The following PRPF38A variants were observed in gnomAD, a reference collection of about 807,000 sequenced individuals.
PRPF38A encodes pre-mRNA-splicing factor 38A.
A neutral mutation model predicts 46.8 loss-of-function variants in PRPF38A; 11 were observed. The observed-to-expected ratio is 0.24, with a 90% CI of 0.15 to 0.39. The LOEUF (loss-of-function observed/expected upper bound fraction) is 0.39. Ranked by LOEUF, PRPF38A falls within the 10% of genes least tolerant of loss-of-function variation. PRPF38A has a pLI of 1.00. For synonymous variants in PRPF38A, 124 were observed against 136.2 expected, an observed-to-expected ratio of 0.91 and a Z score of 0.62; for missense variants, 261 against 407.5, an observed-to-expected ratio of 0.64 and a Z score of 3.10.
rs569078917 is a variant in PRPF38A, at chr1:52,418,609, G to T, written c.*1919G>T. 6.6e-6 allele frequency: 1 copy of T among 152,296 alleles called. No homozygotes were observed. The highest frequency in any genetic ancestry group is 2.1e-4 in the South Asian group (1 of 4,826). The allele number at this position is 152,296 out of a possible 1,614,324, so 9.4% of individuals were successfully genotyped here. A position where few individuals can be genotyped will look rare whatever the true frequency, so the allele number is the denominator to read the frequency against. On this transcript the variant is annotated 3_prime_UTR_variant, in exon 10 of 10. Coordinates refer to ENST00000257181, the MANE Select transcript of PRPF38A (RefSeq NM_032864.4). ...AGGTACCACAGCCAATCAATAGCAG[G>T]AAAGAGAATGTCCCTATTCTTTAAT... is the stretch of plus-strand genomic sequence containing the variant.
intron 9 of PRPF38A, 49 bp downstream of exon 9, chr1:52,415,435 A>G (rs772632969): frequency 6.7e-7 from 1 of 1,500,556 alleles, no homozygotes; most frequent in Non-Finnish European, 9.2e-7. Flanking sequence ...TCCAAATTAC[A>G]ACTAACTGGA....
chr1:52,416,577 G>A, intron 9 of PRPF38A, 71 bp from the exon 10 acceptor site: 1 of 1,225,066 alleles, frequency 8.2e-7, no homozygotes, highest in South Asian at 1.2e-5. Context: ...CCAAAGTGCT[G>A]GGATTACAGG....
Position 52,418,110 on chromosome 1 carries a change from C to T in PRPF38A, c.*1420C>T, listed in dbSNP as rs1648341892. On this transcript the variant is annotated 3_prime_UTR_variant, in exon 10 of 10. Transcript: ENST00000257181. ...AGGTTGTATCTGGTCATAAGGTAAA[C>T]ATTCTATATATTCTATGCCTGCTCT... 6.6e-6 allele frequency: 1 copy of T among 152,590 alleles called. No homozygotes were observed. Among genetic ancestry groups the T allele is most frequent in the African/African-American group, 2.4e-5 (1 of 41,446 alleles). 9.5% of individuals were successfully genotyped at this position (152,590 alleles called of 1,614,324 possible). A position where few individuals can be genotyped will look rare whatever the true frequency, so the allele number is the denominator to read the frequency against.
At chr1:52,415,037 GTTTGCT>G (rs751183407) in intron 8 of PRPF38A, among the ~76,000 whole-genome samples, 178 bp downstream of exon 8, 20 of 152,158 alleles carry the variant, frequency 1.3e-4, no homozygotes, top group Non-Finnish European at 2.5e-4. Context: ...TGCTGATAAG[GTTTGCT>G]TTAGTTTTTT....
intron 2 of PRPF38A, among the ~76,000 whole-genome samples, chr1:52,407,302 C>T (rs965016672): frequency 3.3e-5 from 5 of 152,230 alleles, no homozygotes; most frequent in Admixed American, 6.5e-5. Flanking sequence ...AGGCGTGAGC[C>T]ACCGCCCCTG....
intron 3 of PRPF38A, among the ~76,000 whole-genome samples, chr1:52,409,876 T>C (rs1648098712): frequency 6.6e-6 from 1 of 152,056 alleles, no homozygotes; most frequent in Non-Finnish European, 1.5e-5. Context: ...TAGCAGTATC[T>C]CTAGCCTCTA....
intron 9 of PRPF38A, among the ~76,000 whole-genome samples, chr1:52,416,241 A>C (rs1030579400): frequency 2.6e-5 from 4 of 152,016 alleles, no homozygotes; most frequent in Non-Finnish European, 5.9e-5. Flanking sequence ...AAAAATACCA[A>C]GCAGTTTAAT....
chr1:52,413,578 T>G (rs1432834584), intron 5 of PRPF38A, among the ~76,000 whole-genome samples: 1 of 152,128 alleles, frequency 6.6e-6, no homozygotes, highest in Non-Finnish European at 1.5e-5. Flanking sequence ...GTATTTTTTT[T>G]GTAGAGATGG....
At position 52,417,452 on chromosome 1, in the gene PRPF38A, A is replaced by T. The variant is rs887167955; in HGVS notation, c.*762A>T. On this transcript the variant is annotated 3_prime_UTR_variant, in exon 10 of 10. Coordinates refer to ENST00000257181, the MANE Select transcript of PRPF38A (RefSeq NM_032864.4). ...GATTTGATGGAGAGGAAAGTATCTA[A>T]TATTAGTCATGGTTTTGACCTAAAT... 6.6e-6 allele frequency: 1 copy of T among 152,242 alleles called. No homozygotes were observed. Among genetic ancestry groups the T allele is most frequent in the Admixed American group, 6.5e-5 (1 of 15,274 alleles). The allele number at this position is 152,242 out of a possible 1,614,324, so 9.4% of individuals were successfully genotyped here. A position where few individuals can be genotyped will look rare whatever the true frequency, so the allele number is the denominator to read the frequency against.
chr1:52,416,877 A>G lies in PRPF38A; in HGVS notation c.*187A>G. The G allele has an allele frequency of 1.7e-6, 1 of 604,526 alleles. No individual in the cohort carries two copies. Among genetic ancestry groups the G allele is most frequent in the Non-Finnish European group, 3.0e-6 (1 of 333,832 alleles). The allele number at this position is 604,526 out of a possible 1,614,324, so 37.4% of individuals were successfully genotyped here. ...TATCTTTTTAATCATAATCAACATC[A>G]GTTTTTGACCCAACTAACCTTGACT... On this transcript the variant is annotated 3_prime_UTR_variant, in exon 10 of 10. Coordinates refer to ENST00000257181, the MANE Select transcript of PRPF38A (RefSeq NM_032864.4).
chr1:52,415,248 AAGCCAATGGCAGGTATT>A, intron 8 of PRPF38A, 73 bp from the exon 9 acceptor site: 3 of 1,308,738 alleles, frequency 2.3e-6, no homozygotes. Context: ...AAAGAATATT[AAGCCAATGGCAGGTATT>A]AGGGGAGGTG....
chr1:52,404,628 T>G lies in PRPF38A; in HGVS notation c.-122T>G. The G allele has an allele frequency of 9.1e-7, 1 of 1,093,488 alleles. No individual in the cohort carries two copies. The highest frequency in any genetic ancestry group is 1.3e-6 in the Non-Finnish European group (1 of 768,900). 67.7% of individuals were successfully genotyped at this position (1,093,488 alleles called of 1,614,324 possible). ...CACTACGGTGTTTCCGGCTTCAAGA[T>G]GGTCGCCTAAGCTGTTTAGTGAAAC... is the stretch of plus-strand genomic sequence containing the variant. On this transcript the variant is annotated 5_prime_UTR_variant, in exon 1 of 10. An upstream start codon of the reference 5' UTR is lost. Transcript: ENST00000257181.
Position 52,414,795 on chromosome 1 carries a change from G to A in PRPF38A, c.783G>A (p.Lys261=). Residue 261 remains lysine, a synonymous_variant, in exon 8 of 10, where the codon AAG becomes AAA. Coordinates refer to ENST00000257181, the MANE Select transcript of PRPF38A (RefSeq NM_032864.4). ...CTCGCCGAGAAAGGCATCGGAGCAA[G>A]AGTCCAAGACGTCACCGCAGCAGGT... The part of the protein sequence containing the change: ...PSPRRERHRS[K]SPRRHRSRSR... 1.2e-6 allele frequency: 2 copies of A among 1,614,166 alleles called. No homozygotes were observed. Among genetic ancestry groups the A allele is most frequent in the Non-Finnish European group, 1.7e-6 (2 of 1,180,022 alleles).
At chr1:52,412,459 T>A (rs1648171761) in intron 4 of PRPF38A, 55 bp from the exon 5 acceptor site, 1 of 1,306,004 alleles carries the variant, frequency 7.7e-7, no homozygotes, top group Non-Finnish European at 1.1e-6. Context: ...GTGTTGAGGT[T>A]TCAAGAAATA....
intron 4 of PRPF38A, among the ~76,000 whole-genome samples, chr1:52,411,616 A>G (rs911013912): frequency 6.6e-6 from 1 of 152,138 alleles, no homozygotes; most frequent in Non-Finnish European, 1.5e-5. Flanking sequence ...TTTTTAAACT[A>G]ATCTTCATGT....
intron 3 of PRPF38A, chr1:52,408,900 T>C (rs1648073238): frequency 2.1e-6 from 1 of 479,566 alleles, no homozygotes; most frequent in East Asian, 3.6e-5. Context: ...CCTCTGTCTG[T>C]CTCCCTTTCC....
chr1:52,409,019 C>T, intron 3 of PRPF38A: 1 of 205,912 alleles, frequency 4.9e-6, no homozygotes, highest in Non-Finnish European at 1.0e-5. Flanking sequence ...CCTTCCCCAG[C>T]CCTCTCAGAC....
intron 3 of PRPF38A, 29 bp from the exon 4 acceptor site, chr1:52,411,086 T>C: frequency 1.3e-6 from 2 of 1,533,176 alleles, no homozygotes; most frequent in South Asian, 1.1e-5. Context: ...TATTTCCAGG[T>C]TGTTTGCTCT....
At chr1:52,405,653 T>G (rs931557113) in intron 1 of PRPF38A, 27 bp from the exon 2 acceptor site, 1 of 1,610,638 alleles carries the variant, frequency 6.2e-7, no homozygotes, top group Admixed American at 1.7e-5. Flanking sequence ...AGCCCTAATA[T>G]GTTACTGTAT....
Sources: gnomAD v4.1 joint callset for allele counts (sites outside exome capture counted in the v4.1 genomes callset) on GRCh38, gnomAD v4.1.1 for gene constraint, MANE v1.5 for transcripts, NCBI Gene and HGNC (gene_info 2026-07-23, HGNC 2026-07-21) for gene names.